Variants in ATP12A observed in about 807,000 individuals in gnomAD.
ATP12A encodes the protein potassium-transporting ATPase alpha chain 2.
A neutral mutation model predicts 111.2 loss-of-function variants in ATP12A; 81 were observed. That is an observed-to-expected ratio of 0.73 (90% CI 0.61 to 0.88). ATP12A has a LOEUF of 0.88. Among genes scored for constraint, ATP12A ranks in the 40% least tolerant of loss-of-function variants. The pLI is 0.00. For synonymous variants in ATP12A, 498 were observed against 499.8 expected, an observed-to-expected ratio of 1.00 and a Z score of 0.05; for missense variants, 1,196 against 1,313.1, an observed-to-expected ratio of 0.91 and a Z score of 1.38.
chr13:24,706,945 A>T (rs1202033913), intron 15 of ATP12A, 78 bp from the exon 16 acceptor site: 1 of 1,447,656 alleles, frequency 6.9e-7, no homozygotes, highest in African/African-American at 1.4e-5. Context: ...AGAGAAAGGG[A>T]AGTCTTGTTG....
chr13:24,685,492 C>T lies in ATP12A; in HGVS notation c.228+119C>T. On this transcript the variant is annotated intron_variant, in intron 3 of 22. Coordinates refer to ENST00000381946, the MANE Select transcript of ATP12A (RefSeq NM_001676.7). The surrounding 1 kb of genome is among the most constrained non-coding windows in gnomAD (Gnocchi z 5.5). ...GCACCTTTAGGAGGAGGGGCCCCTG[C>T]AGCGCCTTTGAGACTGCAGTTATTT... 1 of 994,702 alleles carries T rather than the reference C, an allele frequency of 1.0e-6. No individual in the cohort carries two copies. Among genetic ancestry groups the T allele is most frequent in the Non-Finnish European group, 1.6e-6 (1 of 631,952 alleles). 61.6% of individuals were successfully genotyped at this position (994,702 alleles called of 1,614,324 possible).
At position 24,700,973 on chromosome 13, in the gene ATP12A, T is replaced by G. The variant is rs755042771; in HGVS notation, c.1881+51T>G. The G allele has an allele frequency of 5.7e-6, 9 of 1,584,158 alleles. No individual in the cohort carries two copies. The African/African-American group carries it at 8.1e-5, about 14-fold the overall frequency. On this transcript the variant is annotated intron_variant, in intron 13 of 22. Transcript: ENST00000381946. ...AAGTTCTTTCTTTATGTCGTGTTCC[T>G]TTCTAATAATGGTTTTCATAGCAGA...
Position 24,692,424 on chromosome 13 carries a change from G to A in ATP12A, c.1069-5G>A. ...TTCCCAAAGCGTCCTTCCCTCTCCT[G>A]CTAGGTGACCCTGTCGCTGACAGCA... On this transcript the variant is annotated splice_region_variant and splice_polypyrimidine_tract_variant and intron_variant, in intron 8 of 22. Coordinates refer to ENST00000381946, the MANE Select transcript of ATP12A (RefSeq NM_001676.7). The A allele has an allele frequency of 6.2e-7, 1 of 1,613,140 alleles. No individual in the cohort carries two copies. The highest frequency in any genetic ancestry group is 8.5e-7 in the Non-Finnish European group (1 of 1,179,980).
chr13:24,683,386 A>C (rs1204542934), intron 2 of ATP12A, among the ~76,000 whole-genome samples: 1 of 152,218 alleles, frequency 6.6e-6, no homozygotes, highest in Non-Finnish European at 1.5e-5. Flanking sequence ...CGTCCTTGGC[A>C]GATCTTAAAG....
rs1478402460 is a variant in ATP12A, at chr13:24,689,286, C to T, written c.457C>T (p.Leu153=). Residue 153 remains leucine (L), a synonymous_variant, in exon 5 of 23, where the codon CTG becomes TTG. Coordinates refer to ENST00000381946, the MANE Select transcript of ATP12A (RefSeq NM_001676.7). ...NNVYLGCVLG[L]VVILTGIFAY... Reference sequence around the variant, plus strand: ...GGTGTACTTGGGCTGTGTGCTTGGTCTGGTGGTCATTTTAACGGGGATCTT... The same window carrying T: ...GGTGTACTTGGGCTGTGTGCTTGGTTTGGTGGTCATTTTAACGGGGATCTT... The T allele has an allele frequency of 6.2e-7, 1 of 1,614,092 alleles. No homozygotes were observed. The highest frequency in any genetic ancestry group is 8.5e-7 in the Non-Finnish European group (1 of 1,179,998).
chr13:24,692,144 C>T (rs75922048), intron 8 of ATP12A, among the ~76,000 whole-genome samples: 13,492 of 152,150 alleles, frequency 0.089, 684 homozygotes, highest in Middle Eastern at 0.12. Context: ...GCCACAGCAG[C>T]GTGTCCGTGT....
chr13:24,709,459 G>T lies in ATP12A; in HGVS notation c.2589G>T (p.Pro863=), dbSNP rs779066363. ...HKNKDRLVNQ[P]LAVYSYLHIG... is the part of the protein sequence containing the mutation. ...ATAAGGACAGGCTGGTGAACCAGCCGCTCGCTGTGTACTCATACCTGCACA... is the reference window on the plus strand; with the variant it reads ...ATAAGGACAGGCTGGTGAACCAGCCTCTCGCTGTGTACTCATACCTGCACA... Residue 863 remains proline, a synonymous_variant, in exon 18 of 23, where the codon CCG becomes CCT. Coordinates refer to ENST00000381946, the MANE Select transcript of ATP12A (RefSeq NM_001676.7). 6.2e-7 allele frequency: 1 copy of T among 1,614,040 alleles called. No individual in the cohort carries two copies. Among genetic ancestry groups the T allele is most frequent in the Non-Finnish European group, 8.5e-7 (1 of 1,180,014 alleles).
chr13:24,682,182 T>C (rs1191494457), intron 2 of ATP12A, among the ~76,000 whole-genome samples: 2 of 138,136 alleles, frequency 1.4e-5, no homozygotes, highest in Non-Finnish European at 3.1e-5. Flanking sequence ...GTGTGGTGTG[T>C]GTATGTGTGT....
At chr13:24,682,218 G>C (rs1415825023) in intron 2 of ATP12A, among the ~76,000 whole-genome samples, 8 of 134,236 alleles carry the variant, frequency 6.0e-5, no homozygotes, top group Non-Finnish European at 3.2e-5. Flanking sequence ...GGTGTGTGTG[G>C]TGTGTGTATG....
At chr13:24,701,893 G>A (rs376382913) in intron 13 of ATP12A, 42 bp from the exon 14 acceptor site, 87 of 1,613,334 alleles carry the variant, frequency 5.4e-5, no homozygotes, top group Middle Eastern at 1.7e-4. Context: ...GGCCAACCGA[G>A]TTCTTCATTA....
chr13:24,688,525 A>G lies in ATP12A; in HGVS notation c.432+3A>G. On this transcript the variant is annotated splice_donor_region_variant and intron_variant, in intron 4 of 22. Coordinates refer to ENST00000381946, the MANE Select transcript of ATP12A (RefSeq NM_001676.7). ...ACAAGTCTGCATCCCTGAACAACGTAAGGCTCTGGGGTGTCCCCTCCTGGT... is the reference window on the plus strand; with the variant it reads ...ACAAGTCTGCATCCCTGAACAACGTGAGGCTCTGGGGTGTCCCCTCCTGGT... 6.3e-7 allele frequency: 1 copy of G among 1,575,026 alleles called. No homozygotes were observed. The highest frequency in any genetic ancestry group is 2.3e-5 in the East Asian group (1 of 44,140).
intron 10 of ATP12A, 138 bp from the exon 11 acceptor site, chr13:24,694,306 C>G (rs1249676143): frequency 1.8e-6 from 2 of 1,112,736 alleles, no homozygotes; most frequent in East Asian, 4.7e-5. Flanking sequence ...CACGGTCTTG[C>G]GGCCCTCCCT....
In ATP12A at chr13:24,690,593, A is replaced by T; in HGVS notation, c.682-11A>T. The T allele has an allele frequency of 1.9e-6, 3 of 1,607,404 alleles. No homozygotes were observed. The highest frequency in any genetic ancestry group is 2.5e-6 in the Non-Finnish European group (3 of 1,176,584). On this transcript the variant is annotated splice_polypyrimidine_tract_variant and intron_variant, in intron 6 of 22. Transcript: ENST00000381946. Reference sequence around the variant, plus strand: ...TACCCAGCTGTGAACCACCTTCAACATTTCTTCTAGGTGGATAACTCATCT... The same window carrying T: ...TACCCAGCTGTGAACCACCTTCAACTTTTCTTCTAGGTGGATAACTCATCT...
Position 24,709,687 on chromosome 13 carries a change from C to T in ATP12A, c.2622C>T (p.Leu874=), listed in dbSNP as rs894923782. 2.5e-6 allele frequency: 4 copies of T among 1,614,040 alleles called. No homozygotes were observed. The African/African-American group carries it at 4.0e-5, about 16-fold the overall frequency. Residue 874 remains leucine (L), a synonymous_variant, in exon 19 of 23, where the codon CTC becomes CTT. Coordinates refer to ENST00000381946, the MANE Select transcript of ATP12A (RefSeq NM_001676.7). Reference sequence around the variant, plus strand: ...CTATCTCTCTTGTTCTTTCAGGCCTCATGCAAGCCCTGGGAGCTTTCCTTG... The same window carrying T: ...CTATCTCTCTTGTTCTTTCAGGCCTTATGCAAGCCCTGGGAGCTTTCCTTG... ...LAVYSYLHIG[L]MQALGAFLVY...
In ATP12A at chr13:24,688,370, TC is replaced by T; in HGVS notation, c.283del (p.Leu95SerfsTer48). 3 of 1,614,026 alleles carry T rather than the reference TC, an allele frequency of 1.9e-6. No homozygotes were observed. The highest frequency in any genetic ancestry group is 2.5e-6 in the Non-Finnish European group (3 of 1,179,972). On this transcript the variant is annotated frameshift_variant, in exon 4 of 23. Coordinates refer to ENST00000381946, the MANE Select transcript of ATP12A (RefSeq NM_001676.7). LOFTEE classifies it high-confidence loss of function. The part of the protein sequence containing the change: ...AELLARDGPN[S>X]LTPPKQTPEI... Reference sequence around the variant, plus strand: ...GCTCCTGGCCCGGGATGGGCCCAACTCCCTCACCCCTCCCAAGCAGACGCCT... The same window carrying T: ...GCTCCTGGCCCGGGATGGGCCCAACTCCTCACCCCTCCCAAGCAGACGCCT...
At chr13:24,699,006 G>A (rs1875287096) in intron 12 of ATP12A, among the ~76,000 whole-genome samples, 156 bp downstream of exon 12, 1 of 152,202 alleles carries the variant, frequency 6.6e-6, no homozygotes, top group Admixed American at 6.5e-5. Flanking sequence ...AGAGGATGCT[G>A]TGTGACAGCA....
chr13:24,709,770 G>C lies in ATP12A; in HGVS notation c.2705G>C (p.Arg902Pro), dbSNP rs367898749. ...CTGCCCCGCACTCTCATTAACCTGC[G>C]GGTAGAATGGGAGAAGGACTACGTG... ...GFLPRTLINL[R>P]VEWEKDYVND... Residue 902 changes from arginine (R) to proline (P), a missense_variant, in exon 19 of 23, where the codon CGG becomes CCG. Arg to Pro is a moderately radical substitution (Grantham distance 103, BLOSUM62 -2). Around this residue, in one of 3 missense-constraint regions of ATP12A, gnomAD observed 1,126 missense variants for 1,228.5 expected, o/e 0.92. Transcript: ENST00000381946. 1 of 1,614,210 alleles carries C rather than the reference G, an allele frequency of 6.2e-7. No individual in the cohort carries two copies. The highest frequency in any genetic ancestry group is 8.5e-7 in the Non-Finnish European group (1 of 1,180,040).
intron 21 of ATP12A, among the ~76,000 whole-genome samples, 200 bp downstream of exon 21, chr13:24,711,093 C>A (rs1488102280): frequency 6.6e-6 from 1 of 152,252 alleles, no homozygotes; most frequent in Non-Finnish European, 1.5e-5. Flanking sequence ...CACCAACCGG[C>A]CTTCATCCTC....
chr13:24,696,728 A>AAAAG lies in ATP12A; in HGVS notation c.1513-1927_1513-1926insGAAA, dbSNP rs534170145. ...AGCGAGACTCCGTCTCAAAAAAAAAAAAAAAAAAAAAAAAAAAAGAAAGGG... is the reference window on the plus strand; with the variant it reads ...AGCGAGACTCCGTCTCAAAAAAAAAAAAAGAAAAAAAAAAAAAAAAAAGAAAGGG... On this transcript the variant is annotated intron_variant, in intron 11 of 22. Coordinates refer to ENST00000381946, the MANE Select transcript of ATP12A (RefSeq NM_001676.7). Among the ~76,000 whole-genome samples the AAAAG allele has an allele frequency of 1.1e-3, 59 of 55,092 alleles. 11 individuals carry two copies. Among genetic ancestry groups the AAAAG allele is most frequent in the African/African-American group, 3.8e-3 (44 of 11,676 alleles). 36.1% of individuals were successfully genotyped at this position (55,092 alleles called of 152,430 possible). A position where few individuals can be genotyped will look rare whatever the true frequency, so the allele number is the denominator to read the frequency against.
Sources: allele counts gnomAD v4.1 joint callset (sites outside exome capture counted in the v4.1 genomes callset), GRCh38; gene constraint gnomAD v4.1.1; regional missense constraint gnomAD v4.1.1; non-coding constraint Gnocchi (gnomAD v3.1); transcripts MANE v1.5; gene names NCBI Gene and HGNC (gene_info 2026-07-23, HGNC 2026-07-21).